The following CHSY3 variants were observed in gnomAD, a reference collection of about 807,000 sequenced individuals.
CHSY3 encodes the protein chondroitin sulfate synthase 3.
Under a neutral mutation model 67.2 loss-of-function variants are expected in CHSY3, and 35 were observed. That is an observed-to-expected ratio of 0.52 (90% confidence interval 0.40 to 0.69). CHSY3 has a LOEUF of 0.69. Ranked by LOEUF, CHSY3 falls within the 30% of genes least tolerant of loss-of-function variation. The pLI, the probability that CHSY3 is intolerant of heterozygous loss-of-function variation, is 0.00. For missense variants in CHSY3, 1,069 were observed against 1,138.5 expected, an observed-to-expected ratio of 0.94 and a Z score of 0.88; for synonymous variants, 474 against 434.7, an observed-to-expected ratio of 1.09 and a Z score of -1.12.
chr5:130,043,709 A>C (rs1219145079), intron 2 of CHSY3, among the ~76,000 whole-genome samples: 1 of 152,046 alleles, frequency 6.6e-6, no homozygotes, highest in Non-Finnish European at 1.5e-5. Context: ...ATTTGATGTC[A>C]TGTAGCAGAA....
chr5:130,072,400 C>T (rs1322012694), intron 2 of CHSY3, among the ~76,000 whole-genome samples: 1 of 152,108 alleles, frequency 6.6e-6, no homozygotes, highest in East Asian at 1.9e-4. Flanking sequence ...TTCCCAGCAT[C>T]ATTTATTGAG....
intron 2 of CHSY3, among the ~76,000 whole-genome samples, chr5:130,006,647 C>T (rs1763885886): frequency 6.6e-6 from 1 of 151,984 alleles, no homozygotes; most frequent in Admixed American, 6.6e-5. Context: ...AAAGTGGTTA[C>T]CCTCAACAAT....
intron 1 of CHSY3, chr5:129,906,055 G>C (rs972147547): frequency 5.5e-6 from 1 of 182,992 alleles, no homozygotes; most frequent in Non-Finnish European, 1.1e-5. Flanking sequence ...GACGGAGGAT[G>C]CTAGCTACAA....
chr5:129,920,040 A>C (rs1302420716), intron 2 of CHSY3, among the ~76,000 whole-genome samples: 1 of 152,140 alleles, frequency 6.6e-6, no homozygotes, highest in Non-Finnish European at 1.5e-5. Context: ...CAACAGATTC[A>C]ATTAAAAAAA....
intron 2 of CHSY3, among the ~76,000 whole-genome samples, chr5:130,125,485 A>G (rs1024669978): frequency 1.3e-5 from 2 of 151,928 alleles, no homozygotes; most frequent in South Asian, 2.1e-4. Flanking sequence ...ATTTAATATT[A>G]GTTATACTGC....
chr5:130,019,410 T>C (rs1764302632), intron 2 of CHSY3, among the ~76,000 whole-genome samples: 1 of 152,170 alleles, frequency 6.6e-6, no homozygotes, highest in African/African-American at 2.4e-5. Flanking sequence ...CCGATACTCA[T>C]ACAGTCCCCC....
intron 2 of CHSY3, among the ~76,000 whole-genome samples, chr5:129,950,693 TAAATTTA>T (rs1761999355): frequency 6.6e-6 from 1 of 152,064 alleles, no homozygotes; most frequent in South Asian, 2.1e-4. Flanking sequence ...AAAATAGCAA[TAAATTTA>T]ACAAGGTGGT....
intron 2 of CHSY3, among the ~76,000 whole-genome samples, chr5:129,973,423 C>T (rs1165773254): frequency 6.6e-6 from 1 of 152,086 alleles, no homozygotes; most frequent in Non-Finnish European, 1.5e-5. Flanking sequence ...GTATGACTAG[C>T]TATTTTATGC....
intron 2 of CHSY3, among the ~76,000 whole-genome samples, chr5:130,183,761 G>C (rs922253956): frequency 4.6e-5 from 7 of 151,990 alleles, no homozygotes; most frequent in East Asian, 1.9e-4. Flanking sequence ...CTGGAGAGAG[G>C]GGTTGGGGAG....
chr5:129,923,189 GA>G (rs1336589984), intron 2 of CHSY3, among the ~76,000 whole-genome samples: 1 of 150,274 alleles, frequency 6.7e-6, no homozygotes, highest in Non-Finnish European at 1.5e-5. Flanking sequence ...ATTGATTAGA[GA>G]TGTAGGAGTG....
intron 2 of CHSY3, among the ~76,000 whole-genome samples, chr5:130,073,516 G>A (rs1009039167): frequency 3.3e-5 from 5 of 151,826 alleles, no homozygotes; most frequent in African/African-American, 7.3e-5. Context: ...TTGAACACCC[G>A]CCCCAGCTGG....
intron 2 of CHSY3, among the ~76,000 whole-genome samples, chr5:130,046,437 G>A (rs1215212888): frequency 6.6e-6 from 1 of 152,076 alleles, no homozygotes; most frequent in Non-Finnish European, 1.5e-5. Flanking sequence ...TTTCACCATG[G>A]TTTGGGTTTG....
intron 2 of CHSY3, among the ~76,000 whole-genome samples, chr5:130,106,819 A>C (rs77831363): frequency 0.019 from 2,945 of 151,780 alleles, 34 homozygotes; most frequent in South Asian, 0.051. Flanking sequence ...ATGCAAGGAA[A>C]CATGGAAATT....
chr5:129,944,383 G>A (rs59398276), intron 2 of CHSY3, among the ~76,000 whole-genome samples: 79 of 152,214 alleles, frequency 5.2e-4, no homozygotes, highest in African/African-American at 1.9e-3. Flanking sequence ...ACTCATTTGG[G>A]ACAATTAACG....
rs201278596 is a variant in CHSY3, at chr5:130,091,144, G to A, written c.1087-93085G>A. Among the ~76,000 whole-genome samples the A allele has an allele frequency of 1.7e-3, 226 of 136,878 alleles. 1 individual carries two copies. Among genetic ancestry groups the A allele is most frequent in the African/African-American group, 6.0e-3 (195 of 32,234 alleles). The allele number at this position is 136,878 out of a possible 152,430, so 89.8% of individuals were successfully genotyped here. On this transcript the variant is annotated intron_variant, in intron 2 of 2. Transcript: ENST00000305031. ...CACACACACACACACACGCACACGC[G>A]CGCACACACACACACACACTACTTT...
At chr5:130,051,968 G>A (rs977320895) in intron 2 of CHSY3, 3 of 150,270 alleles carry the variant, frequency 2.0e-5, no homozygotes, top group East Asian at 1.9e-4. Flanking sequence ...AACTCACCTC[G>A]AAAACAAAAC....
intron 2 of CHSY3, among the ~76,000 whole-genome samples, chr5:129,961,579 C>A (rs781594476): frequency 2.6e-5 from 4 of 151,930 alleles, no homozygotes; most frequent in Non-Finnish European, 4.4e-5. Flanking sequence ...CTTTCCACAC[C>A]TTTTGTTTCT....
intron 2 of CHSY3, among the ~76,000 whole-genome samples, chr5:129,940,686 T>C (rs1761669782): frequency 6.6e-6 from 1 of 152,092 alleles, no homozygotes; most frequent in East Asian, 1.9e-4. Flanking sequence ...TGAGTGTGTG[T>C]GTGTATGCCG....
chr5:129,906,511 G>A (rs1760308013), intron 1 of CHSY3, among the ~76,000 whole-genome samples: 2 of 152,184 alleles, frequency 1.3e-5, no homozygotes, highest in South Asian at 4.1e-4. Context: ...ACCACAGGCA[G>A]CCACAGCAAG....
Sources: gnomAD v4.1 joint callset for allele counts (sites outside exome capture counted in the v4.1 genomes callset) on GRCh38, gnomAD v4.1.1 for gene constraint, MANE v1.5 for transcripts, NCBI Gene and HGNC (gene_info 2026-07-23, HGNC 2026-07-21) for gene names.